The following ARID1B variants were observed in gnomAD, a reference collection of about 807,000 sequenced individuals.
ARID1B encodes the protein AT-rich interactive domain-containing protein 1B.
ARID1B carries 30 observed loss-of-function variants against 212.3 expected under a neutral mutation model. That is an observed-to-expected ratio of 0.14 (90% confidence interval 0.11 to 0.19). ARID1B has a LOEUF of 0.19. Among genes scored for constraint, ARID1B ranks in the 10% least tolerant of loss-of-function variants. The pLI, the probability that ARID1B is intolerant of heterozygous loss-of-function variation, is 1.00. For synonymous variants in ARID1B, 1,402 were observed against 1,301.7 expected (o/e 1.08, Z -1.66); for missense variants, 2,891 against 3,204.0 (o/e 0.90, Z 2.36).
At chr6:156,958,729 CT>C (rs2128317986) in intron 4 of ARID1B, among the ~76,000 whole-genome samples, 1 of 151,900 alleles carries the variant, frequency 6.6e-6, no homozygotes, top group East Asian at 1.9e-4. Context: ...TTCCTCCTTC[CT>C]TTTGGAAAAG....
Position 157,174,124 on chromosome 6 carries a change from C to G in ARID1B, c.3345+7C>G. On this transcript the variant is annotated splice_region_variant and intron_variant, in intron 10 of 19. Coordinates refer to ENST00000636930, the MANE Select transcript of ARID1B (RefSeq NM_001374828.1). The stretch of plus-strand genomic sequence containing the variant: ...GCCCGAGAGCAAGTCAAAGGTACTT[C>G]CTTCGCCTCTGCACGCGGTGTGAGG... The G allele has an allele frequency of 1.9e-6, 3 of 1,612,542 alleles. No individual in the cohort carries two copies. The highest frequency in any genetic ancestry group is 2.5e-6 in the Non-Finnish European group (3 of 1,178,536).
At chr6:156,877,043 A>C (rs749357844) in intron 2 of ARID1B, among the ~76,000 whole-genome samples, 2 of 152,084 alleles carry the variant, frequency 1.3e-5, no homozygotes, top group East Asian at 1.9e-4. Flanking sequence ...TAAGATTTCT[A>C]TATATGTGTG....
intron 4 of ARID1B, among the ~76,000 whole-genome samples, chr6:157,013,396 G>A (rs991730064): frequency 5.3e-5 from 8 of 152,226 alleles, no homozygotes; most frequent in Admixed American, 5.2e-4. Context: ...GTGAGATGGA[G>A]TGATGGCAGG....
At chr6:157,021,354 G>A (rs1477550804) in intron 4 of ARID1B, among the ~76,000 whole-genome samples, 1 of 152,232 alleles carries the variant, frequency 6.6e-6, no homozygotes, top group Non-Finnish European at 1.5e-5. Context: ...CCCGGGAGTG[G>A]GACCACCAGG....
chr6:157,116,569 A>C (rs559882320), intron 6 of ARID1B, among the ~76,000 whole-genome samples: 12 of 150,776 alleles, frequency 8.0e-5, no homozygotes, highest in Non-Finnish European at 1.6e-4. Context: ...AGTCCTTGAG[A>C]TATGCTGAAG....
At chr6:156,833,017 T>C (rs1469284547) in intron 2 of ARID1B, among the ~76,000 whole-genome samples, 1 of 152,038 alleles carries the variant, frequency 6.6e-6, no homozygotes, top group Non-Finnish European at 1.5e-5. Context: ...CCCTAAAAAC[T>C]AGTCTACTTG....
At chr6:156,892,364 C>T (rs1448999409) in intron 2 of ARID1B, among the ~76,000 whole-genome samples, 1 of 152,028 alleles carries the variant, frequency 6.6e-6, no homozygotes, top group Non-Finnish European at 1.5e-5. Flanking sequence ...AACATAAAAA[C>T]TCACTGATAA....
intron 4 of ARID1B, among the ~76,000 whole-genome samples, chr6:157,001,313 G>A (rs1336697858): frequency 2.0e-5 from 3 of 152,154 alleles, no homozygotes; most frequent in Non-Finnish European, 2.9e-5. Context: ...TAGTGGAGCC[G>A]AGATCGAATC....
chr6:157,152,741 C>T (rs1044875270), intron 8 of ARID1B, among the ~76,000 whole-genome samples: 2 of 152,156 alleles, frequency 1.3e-5, no homozygotes, highest in African/African-American at 4.8e-5. Context: ...GCAGCAAACT[C>T]GTGGTTTTGC....
chr6:157,190,353 T>C lies in ARID1B; in HGVS notation c.4231+143T>C, dbSNP rs1231994928. 4 of 1,068,888 alleles carry C rather than the reference T, an allele frequency of 3.7e-6. No homozygotes were observed. The highest frequency in any genetic ancestry group is 2.7e-5 in the East Asian group (1 of 37,588). 66.2% of individuals were successfully genotyped at this position (1,068,888 alleles called of 1,614,324 possible). On this transcript the variant is annotated intron_variant, in intron 15 of 19. Coordinates refer to ENST00000636930, the MANE Select transcript of ARID1B (RefSeq NM_001374828.1). This position sits in a 1 kb window ranked among gnomAD's most constrained non-coding sequence, Gnocchi z 4.6. ...GTCCCAGGTCCCCATCCTACTCCAC[T>C]TGTGGCCTTGGGAAAAGCAGTTAGC...
chr6:157,010,154 CAG>C (rs556483122), intron 4 of ARID1B, among the ~76,000 whole-genome samples: 2 of 152,130 alleles, frequency 1.3e-5, no homozygotes, highest in South Asian at 4.2e-4. Context: ...TGGTTTCACT[CAG>C]GGGTTTTGTT....
intron 4 of ARID1B, among the ~76,000 whole-genome samples, chr6:157,025,467 C>T (rs1780599511): frequency 6.6e-6 from 1 of 152,178 alleles, no homozygotes; most frequent in Non-Finnish European, 1.5e-5. Context: ...TATAGTTAGT[C>T]CCTCTCTGTT....
In ARID1B at chr6:157,049,096, C is replaced by T. The variant is rs149637516; in HGVS notation, c.2248-35566C>T. On this transcript the variant is annotated intron_variant, in intron 4 of 19. Transcript: ENST00000636930. ...GGCTGAGGCACAAGAATCACTTGAA[C>T]CAGGAGGTGGAGGTTGCAGTGAGCT... Among the ~76,000 whole-genome samples, 15 of 151,722 alleles carry T rather than the reference C, an allele frequency of 9.9e-5. No homozygotes were observed. In the East Asian group the frequency reaches 2.5e-3, roughly 25 times the overall value.
intron 4 of ARID1B, among the ~76,000 whole-genome samples, chr6:157,047,121 G>A (rs1298269318): frequency 6.6e-6 from 1 of 152,124 alleles, no homozygotes; most frequent in African/African-American, 2.4e-5. Flanking sequence ...ATTTCATATG[G>A]TTCAACCCAA....
intron 2 of ARID1B, among the ~76,000 whole-genome samples, chr6:156,888,840 A>G (rs896061910): frequency 2.0e-5 from 3 of 152,198 alleles, no homozygotes; most frequent in African/African-American, 7.2e-5. Context: ...TTACGAAGTC[A>G]TGTTGATGCA....
At chr6:156,807,765 ATT>A (rs1239613406) in intron 1 of ARID1B, among the ~76,000 whole-genome samples, 2 of 152,166 alleles carry the variant, frequency 1.3e-5, no homozygotes, top group African/African-American at 2.4e-5. Flanking sequence ...GCTTTGGGTA[ATT>A]TGTTGTGTGA....
chr6:157,049,630 T>C (rs977996308), intron 4 of ARID1B, among the ~76,000 whole-genome samples: 2 of 152,184 alleles, frequency 1.3e-5, no homozygotes, highest in Non-Finnish European at 2.9e-5. Context: ...TTTTTTTGTA[T>C]CTCATTGAGG....
intron 4 of ARID1B, among the ~76,000 whole-genome samples, chr6:157,026,691 AT>A (rs1402422570): frequency 6.6e-6 from 1 of 152,028 alleles, no homozygotes; most frequent in Non-Finnish European, 1.5e-5. Context: ...TACCCTTTTT[AT>A]TTTTGAGATG....
At chr6:156,901,769 G>T (rs1788963457) in intron 3 of ARID1B, 1 of 559,118 alleles carries the variant, frequency 1.8e-6, no homozygotes, top group African/African-American at 1.9e-5. Context: ...AGTGGCAGCA[G>T]AAAGTGTCAG....
Sources: allele counts gnomAD v4.1 joint callset (sites outside exome capture counted in the v4.1 genomes callset), GRCh38; gene constraint gnomAD v4.1.1; non-coding constraint Gnocchi (gnomAD v3.1); transcripts MANE v1.5; gene names NCBI Gene and HGNC (gene_info 2026-07-23, HGNC 2026-07-21).